Variants in FBXO38 observed in about 807,000 individuals in gnomAD.
The protein encoded by FBXO38 is F-box only protein 38.
FBXO38 carries 53 observed loss-of-function variants against 131.9 expected under a neutral mutation model. The ratio of observed to expected loss-of-function variants is 0.40; its 90% CI spans 0.32 to 0.51. FBXO38 has a LOEUF of 0.51. Among genes scored for constraint, FBXO38 ranks in the 20% least tolerant of loss-of-function variants. The probability of loss-of-function intolerance (pLI) is 0.53; values close to 1 mark genes in which losing one functional copy is unlikely to be tolerated. For missense variants in FBXO38, 1,076 were observed against 1,475.6 expected (o/e 0.73, Z 4.44); for synonymous variants, 452 against 505.6 (o/e 0.89, Z 1.42).
At chr5:148,406,182 C>A in intron 6 of FBXO38, 75 bp from the exon 7 acceptor site, 1 of 1,356,164 alleles carries the variant, frequency 7.4e-7, no homozygotes, top group Non-Finnish European at 1.0e-6. Flanking sequence ...ATAAGTTATA[C>A]ATGTCTTTCA....
intron 2 of FBXO38, among the ~76,000 whole-genome samples, chr5:148,395,404 A>G (rs1023974122): frequency 6.6e-6 from 1 of 152,030 alleles, no homozygotes; most frequent in African/African-American, 2.4e-5. Context: ...AAGTTGTTTT[A>G]TGATGAACAC....
chr5:148,423,342 G>C (rs1753545051), intron 12 of FBXO38, among the ~76,000 whole-genome samples: 1 of 152,050 alleles, frequency 6.6e-6, no homozygotes, highest in Non-Finnish European at 1.5e-5. Flanking sequence ...CAAAAATCAG[G>C]CTAGTAATAA....
intron 3 of FBXO38, among the ~76,000 whole-genome samples, chr5:148,399,892 A>G (rs1490155449): frequency 7.2e-5 from 11 of 152,096 alleles, no homozygotes; most frequent in Non-Finnish European, 1.6e-4. Context: ...AGACTTCGAA[A>G]ATGGGATAAG....
chr5:148,410,785 A>C lies in FBXO38; in HGVS notation c.1093+20A>C, dbSNP rs140611091. ...TACAGAGTAAGATTTATCCCATTTT[A>C]ATTCCTAGAATTACTGTAAGAAATT... On this transcript the variant is annotated intron_variant, in intron 9 of 21. Transcript: ENST00000340253. 93 of 1,579,598 alleles carry C rather than the reference A, an allele frequency of 5.9e-5. No homozygotes were observed. The African/African-American group carries it at 1.2e-3, about 20-fold the overall frequency.
intron 12 of FBXO38, among the ~76,000 whole-genome samples, chr5:148,421,571 C>T (rs1444885057): frequency 6.6e-6 from 1 of 151,864 alleles, no homozygotes; most frequent in Admixed American, 6.6e-5. Context: ...AACATTTCAG[C>T]TAAACAAAAC....
intron 12 of FBXO38, among the ~76,000 whole-genome samples, chr5:148,422,500 A>G (rs1173790422): frequency 1.3e-5 from 2 of 152,194 alleles, no homozygotes; most frequent in South Asian, 2.1e-4. Context: ...TACATAAGGC[A>G]TTACTATCTG....
chr5:148,393,189 G>T (rs1310491002), intron 1 of FBXO38, among the ~76,000 whole-genome samples: 1 of 13,346 alleles, frequency 7.5e-5, no homozygotes, highest in Non-Finnish European at 1.2e-4. Context: ...CAGAAGAGGG[G>T]TGTGTGTGTG....
chr5:148,395,441 A>G (rs1453658036), intron 2 of FBXO38, among the ~76,000 whole-genome samples: 3 of 149,560 alleles, frequency 2.0e-5, no homozygotes, highest in Non-Finnish European at 4.4e-5. Flanking sequence ...TAAAAAAATT[A>G]TATTTTTACC....
At position 148,406,358 on chromosome 5, in the gene FBXO38, C is replaced by G; in HGVS notation, c.832C>G (p.Leu278Val). 1.2e-6 allele frequency: 2 copies of G among 1,604,780 alleles called. No individual in the cohort carries two copies. Among genetic ancestry groups the G allele is most frequent in the South Asian group, 1.1e-5 (1 of 89,262 alleles). The change falls in exon 7 of 22, where the codon CTT becomes GTT. Residue 278 changes from leucine (L) to valine (V), a missense_variant. Transcript: ENST00000340253. ...EMVRVPFLGG[L>V]IQHVVEDSWR... Reference sequence around the variant, plus strand: ...GGTTCGAGTTCCTTTCCTTGGAGGTCTTATCCAACATGTTGTTGAAGACAG... The same window carrying G: ...GGTTCGAGTTCCTTTCCTTGGAGGTGTTATCCAACATGTTGTTGAAGACAG...
At chr5:148,386,388 T>C (rs1477000540) in intron 1 of FBXO38, among the ~76,000 whole-genome samples, 2 of 152,184 alleles carry the variant, frequency 1.3e-5, no homozygotes, top group Non-Finnish European at 2.9e-5. Flanking sequence ...TGTTTGTTCA[T>C]CTTAAAAATT....
intron 15 of FBXO38, among the ~76,000 whole-genome samples, 166 bp downstream of exon 15, chr5:148,428,113 G>T (rs984033384): frequency 2.0e-5 from 3 of 152,198 alleles, no homozygotes; most frequent in Non-Finnish European, 4.4e-5. Flanking sequence ...GGTTTGGAGG[G>T]TGGGTGTGTA....
At position 148,433,334 on chromosome 5, in the gene FBXO38, T is replaced by G. The variant is rs114474976; in HGVS notation, c.2654-90T>G. 4,126 of 843,550 alleles carry G rather than the reference T, an allele frequency of 4.9e-3. 31 individuals carry two copies. The highest frequency in any genetic ancestry group is 4.2e-3 in the Non-Finnish European group (2,185 of 516,088). The allele number at this position is 843,550 out of a possible 1,614,324, so 52.3% of individuals were successfully genotyped here. A position where few individuals can be genotyped will look rare whatever the true frequency, so the allele number is the denominator to read the frequency against. ...CAAATTGTAGATTTGGGAATTACCT[T>G]GATTATGTTCATACGTATGTGATTG... On this transcript the variant is annotated intron_variant, in intron 15 of 21. Coordinates refer to ENST00000340253, the MANE Select transcript of FBXO38 (RefSeq NM_205836.3).
intron 7 of FBXO38, among the ~76,000 whole-genome samples, chr5:148,407,923 T>A (rs1354893088): frequency 2.0e-5 from 3 of 148,248 alleles, no homozygotes; most frequent in African/African-American, 7.5e-5. Context: ...AGACTCTGTC[T>A]CAAAAAAAAA....
chr5:148,398,048 A>C (rs1419570099), intron 2 of FBXO38, among the ~76,000 whole-genome samples: 1 of 152,136 alleles, frequency 6.6e-6, no homozygotes, highest in Non-Finnish European at 1.5e-5. Flanking sequence ...GGTGCATCTC[A>C]TTGGCTAAAG....
Position 148,409,349 on chromosome 5 carries a change from C to T in FBXO38, c.962+132C>T, listed in dbSNP as rs10070268. On this transcript the variant is annotated intron_variant, in intron 8 of 21. Transcript: ENST00000340253. ...TCAAGCCTTGTTCAAATTTAAAATACGAAGAAGTCCAAATAACAGATAAGT... is the reference window on the plus strand; with the variant it reads ...TCAAGCCTTGTTCAAATTTAAAATATGAAGAAGTCCAAATAACAGATAAGT... 2,005 of 651,000 alleles carry T rather than the reference C, an allele frequency of 3.1e-3. 29 individuals are homozygous for T. The African/African-American group carries it at 0.032, about 11-fold the overall frequency. The allele number at this position is 651,000 out of a possible 1,614,324, so 40.3% of individuals were successfully genotyped here.
In FBXO38 at chr5:148,404,611, T is replaced by C. The variant is rs545209314; in HGVS notation, c.593-74T>C. 1,299 of 1,325,248 alleles carry C rather than the reference T, an allele frequency of 9.8e-4. 2 individuals carry two copies. Among genetic ancestry groups the C allele is most frequent in the Middle Eastern group, 1.8e-3 (7 of 3,814 alleles). 82.1% of individuals were successfully genotyped at this position (1,325,248 alleles called of 1,614,324 possible). On this transcript the variant is annotated intron_variant, in intron 5 of 21. Transcript: ENST00000340253. Reference sequence around the variant, plus strand: ...GCTGTTAATATGAAAAATAGACTCTTGAACTTATAAGCAAAATATAGTATA... The same window carrying C: ...GCTGTTAATATGAAAAATAGACTCTCGAACTTATAAGCAAAATATAGTATA...
At chr5:148,400,146 G>C (rs1752061159) in intron 3 of FBXO38, among the ~76,000 whole-genome samples, 1 of 152,006 alleles carries the variant, frequency 6.6e-6, no homozygotes, top group Admixed American at 6.6e-5. Flanking sequence ...AAACACCTGA[G>C]GCTGGAGCTT....
At chr5:148,437,153 C>A (rs1425472750) in intron 17 of FBXO38, among the ~76,000 whole-genome samples, 1 of 152,244 alleles carries the variant, frequency 6.6e-6, no homozygotes, top group Non-Finnish European at 1.5e-5. Flanking sequence ...GATCACACGG[C>A]CTCAGGCCCA....
chr5:148,415,880 G>A (rs768012695), intron 10 of FBXO38, 48 bp from the exon 11 acceptor site: 1 of 1,602,274 alleles, frequency 6.2e-7, no homozygotes, highest in Non-Finnish European at 8.5e-7. Flanking sequence ...ATCAGTAATG[G>A]GGAAAATGTT....
Sources: allele counts gnomAD v4.1 joint callset (sites outside exome capture counted in the v4.1 genomes callset), GRCh38; gene constraint gnomAD v4.1.1; transcripts MANE v1.5; gene names NCBI Gene and HGNC (gene_info 2026-07-23, HGNC 2026-07-21).